Variants in STK3 observed in about 807,000 individuals in gnomAD.
The protein encoded by STK3 is serine/threonine-protein kinase 3.
Under a neutral mutation model 58.0 loss-of-function variants are expected in STK3, and 41 were observed. The ratio of observed to expected loss-of-function variants is 0.71; its 90% CI spans 0.55 to 0.92. The LOEUF is 0.92. Among genes scored for constraint, STK3 ranks in the 40% least tolerant of loss-of-function variants. The pLI is 0.00. For missense variants in STK3, 479 were observed against 602.7 expected (o/e 0.79, Z 2.15); for synonymous variants, 170 against 191.0 (o/e 0.89, Z 0.91).
chr8:98,668,512 A>T (rs1409623356), intron 6 of STK3, among the ~76,000 whole-genome samples: 2 of 152,200 alleles, frequency 1.3e-5, no homozygotes, highest in African/African-American at 4.8e-5. Context: ...TTTTCAAAAA[A>T]GCTTAAAGTT....
chr8:98,734,021 C>T (rs1828392305), intron 4 of STK3, among the ~76,000 whole-genome samples: 1 of 152,112 alleles, frequency 6.6e-6, no homozygotes, highest in Admixed American at 6.5e-5. Context: ...AAAGGGGAAG[C>T]AAACACCGAA....
intron 10 of STK3, among the ~76,000 whole-genome samples, chr8:98,489,874 A>T (rs1822557368): frequency 6.6e-6 from 1 of 152,166 alleles, no homozygotes; most frequent in Admixed American, 6.5e-5. Context: ...CTCTAAGTGA[A>T]CTTTAGAAAC....
chr8:98,823,018 T>C (rs1162239939), intron 1 of STK3, among the ~76,000 whole-genome samples: 2 of 152,218 alleles, frequency 1.3e-5, no homozygotes, highest in African/African-American at 4.8e-5. Flanking sequence ...AAAATAGTTT[T>C]GAAAACCACT....
intron 9 of STK3, among the ~76,000 whole-genome samples, chr8:98,533,796 T>C (rs985584495): frequency 6.6e-6 from 1 of 152,194 alleles, no homozygotes; most frequent in Non-Finnish European, 1.5e-5. Context: ...CGCTGAGTTA[T>C]GTCTTTTAAA....
chr8:98,860,015 G>A (rs1041276698), intron 3 of STK3, among the ~76,000 whole-genome samples: 9 of 152,104 alleles, frequency 5.9e-5, no homozygotes, highest in Non-Finnish European at 1.3e-4. Context: ...AGAGGAAAGC[G>A]AAACCAAATT....
At chr8:98,392,450 C>T (rs1374757164), upstream of STK3, among the ~76,000 whole-genome samples, 1 of 152,126 alleles carries the variant, frequency 6.6e-6, no homozygotes, top group Non-Finnish European at 1.5e-5. Context: ...CTCTGGGCTC[C>T]CCTCCCACCG....
intron 6 of STK3, among the ~76,000 whole-genome samples, chr8:98,609,677 A>C (rs889236973): frequency 3.0e-4 from 46 of 152,186 alleles, no homozygotes; most frequent in African/African-American, 1.1e-3. Flanking sequence ...ATTAGAAATC[A>C]GTGGCCAGGC....
chr8:98,530,566 CGA>C (rs200369058), intron 9 of STK3, among the ~76,000 whole-genome samples: 1,663 of 152,272 alleles, frequency 0.011, 25 homozygotes, highest in African/African-American at 0.037. Context: ...TGGAGAATAA[CGA>C]GAGAGTGCAG....
intron 3 of STK3, among the ~76,000 whole-genome samples, chr8:98,854,374 A>T (rs1836591364): frequency 6.6e-6 from 1 of 152,052 alleles, no homozygotes; most frequent in Non-Finnish European, 1.5e-5. Context: ...CCTGACCTCA[A>T]GTGATCTGCC....
At position 98,456,002 on chromosome 8, in the gene STK3, T is replaced by C; in HGVS notation, c.1318-2A>G. 1 of 1,601,500 alleles carries C rather than the reference T, an allele frequency of 6.2e-7. No individual in the cohort carries two copies. The highest frequency in any genetic ancestry group is 8.5e-7 in the Non-Finnish European group (1 of 1,173,356). On this transcript the variant is annotated splice_acceptor_variant, in intron 10 of 10. Transcript: ENST00000419617. LOFTEE classifies it high-confidence loss of function. Reference sequence around the variant, plus strand: ...TTCTTCTAAACTTAGATTTTTCAACTAGATACAGAAAGAAAGATACCAATA... The same window carrying C: ...TTCTTCTAAACTTAGATTTTTCAACCAGATACAGAAAGAAAGATACCAATA...
chr8:98,902,364 T>C (rs1838689633), intron 1 of STK3, among the ~76,000 whole-genome samples: 1 of 152,228 alleles, frequency 6.6e-6, no homozygotes, highest in Non-Finnish European at 1.5e-5. Context: ...TAAGATCTTT[T>C]GTAACTTAAC....
At chr8:98,681,594 G>A (rs865910757) in intron 6 of STK3, among the ~76,000 whole-genome samples, 15 of 152,272 alleles carry the variant, frequency 9.9e-5, no homozygotes, top group Non-Finnish European at 2.1e-4. Context: ...TAAAATGAAT[G>A]TTTAAGAAAA....
intron 10 of STK3, among the ~76,000 whole-genome samples, chr8:98,523,447 T>C (rs1420814449): frequency 1.3e-5 from 2 of 151,194 alleles, no homozygotes; most frequent in Non-Finnish European, 2.9e-5. Flanking sequence ...CGATCTCGGC[T>C]CACTGCAACC....
At chr8:98,618,490 A>G (rs1817961337) in intron 6 of STK3, among the ~76,000 whole-genome samples, 1 of 151,816 alleles carries the variant, frequency 6.6e-6, no homozygotes, top group Non-Finnish European at 1.5e-5. Context: ...AAGGAAATAA[A>G]GGGTATTCAA....
intron 1 of STK3, among the ~76,000 whole-genome samples, chr8:98,892,369 A>G (rs1373483267): frequency 2.0e-5 from 3 of 152,166 alleles, no homozygotes; most frequent in South Asian, 2.1e-4. Flanking sequence ...AACTGCAACA[A>G]ATGTGATCTT....
intron 6 of STK3, among the ~76,000 whole-genome samples, chr8:98,618,458 G>C (rs888971342): frequency 6.6e-6 from 1 of 152,048 alleles, no homozygotes; most frequent in African/African-American, 2.4e-5. Context: ...TGGAAGTTCT[G>C]GCCAGGGCAA....
At chr8:98,614,122 G>A (rs1365579005) in intron 6 of STK3, among the ~76,000 whole-genome samples, 5 of 152,064 alleles carry the variant, frequency 3.3e-5, no homozygotes, top group Non-Finnish European at 7.4e-5. Flanking sequence ...CTAACAACAA[G>A]AGATAAAACA....
At chr8:98,923,705 G>A (rs1000271284) in intron 1 of STK3, among the ~76,000 whole-genome samples, 1 of 152,056 alleles carries the variant, frequency 6.6e-6, no homozygotes, top group Non-Finnish European at 1.5e-5. Flanking sequence ...ATACCCTTTA[G>A]CTATTAAAAG....
intron 5 of STK3, 30 bp downstream of exon 5, chr8:98,707,117 G>A: frequency 6.3e-7 from 1 of 1,577,734 alleles, no homozygotes; most frequent in South Asian, 1.2e-5. Context: ...AATTAGCCAA[G>A]TGTTTAGAAA....
Sources: allele counts gnomAD v4.1 joint callset (sites outside exome capture counted in the v4.1 genomes callset), GRCh38; gene constraint gnomAD v4.1.1; transcripts MANE v1.5; gene names NCBI Gene and HGNC (gene_info 2026-07-23, HGNC 2026-07-21).